UGGT2: variants seen among roughly 807,000 people sequenced by gnomAD.
UGGT2 encodes UDP-glucose:glycoprotein glucosyltransferase 2.
Under a neutral mutation model 192.1 loss-of-function variants are expected in UGGT2, and 180 were observed. That is an observed-to-expected ratio of 0.94 (90% CI 0.83 to 1.06). UGGT2 has a LOEUF of 1.06. Among genes scored for constraint, UGGT2 ranks in the 50% least tolerant of loss-of-function variants. The probability of loss-of-function intolerance (pLI) is 0.00; values close to 1 mark genes in which losing one functional copy is unlikely to be tolerated. For synonymous variants in UGGT2, 580 were observed against 591.0 expected (o/e 0.98, Z 0.27); for missense variants, 1,849 against 1,795.7 (o/e 1.03, Z -0.54).
At chr13:95,902,082 T>C (rs966374108) in intron 21 of UGGT2, among the ~76,000 whole-genome samples, 4 of 152,158 alleles carry the variant, frequency 2.6e-5, no homozygotes, top group African/African-American at 4.8e-5. Flanking sequence ...CTGCTGAGTC[T>C]GCAACTGGAT....
At chr13:95,907,851 T>A (rs1314774061) in intron 20 of UGGT2, among the ~76,000 whole-genome samples, 1 of 152,202 alleles carries the variant, frequency 6.6e-6, no homozygotes, top group Non-Finnish European at 1.5e-5. Flanking sequence ...CTCCAAAGGA[T>A]CGCAGCTCCT....
At chr13:95,942,224 GTGT>G (rs1566734828) in intron 15 of UGGT2, among the ~76,000 whole-genome samples, 8,800 of 82,652 alleles carry the variant, frequency 0.11, 350 homozygotes, top group Middle Eastern at 0.17. Context: ...GGGTGAGGGT[GTGT>G]GTGTGTGTGT....
chr13:96,029,888 T>C (rs755817004), intron 2 of UGGT2, among the ~76,000 whole-genome samples: 4 of 152,210 alleles, frequency 2.6e-5, no homozygotes, highest in Non-Finnish European at 5.9e-5. Context: ...GGGACAGATA[T>C]ATTGAGGATT....
Position 95,807,716 on chromosome 13 carries a change from C to CTTTTTTTTTTTTT in UGGT2, c.4529-5917_4529-5905dup. On this transcript the variant is annotated intron_variant, in intron 38 of 38. Transcript: ENST00000376747. ...GTATCTTGAAACCCTCAGCCCTCAC[C>CTTTTTTTTTTTTT]TTTTTTTTTTTTTTTTTTTGCCGTA... Among the ~76,000 whole-genome samples the CTTTTTTTTTTTTT allele has an allele frequency of 2.5e-3, 195 of 78,688 alleles. 18 individuals are homozygous for CTTTTTTTTTTTTT. Among genetic ancestry groups the CTTTTTTTTTTTTT allele is most frequent in the African/African-American group, 7.1e-3 (137 of 19,362 alleles). The allele number at this position is 78,688 out of a possible 152,430, so 51.6% of individuals were successfully genotyped here. A position where few individuals can be genotyped will look rare whatever the true frequency, so the allele number is the denominator to read the frequency against.
chr13:95,957,382 G>A (rs1211315402), intron 12 of UGGT2, among the ~76,000 whole-genome samples: 3 of 152,186 alleles, frequency 2.0e-5, no homozygotes, highest in Non-Finnish European at 2.9e-5. Context: ...TTTATGGAGG[G>A]TGGGTTCCAA....
At position 95,884,579 on chromosome 13, in the gene UGGT2, A is replaced by C. The variant is rs2047590965; in HGVS notation, c.3140T>G (p.Leu1047Arg). ...TGGAGTAATCATGTTGAGGATTAGG[A>C]GGGGTGATTCAGGAATATCCAAAAA... ...AKFLDIPESP[L>R]LILNMITPEG... is the part of the protein sequence containing the mutation. Residue 1047 changes from leucine (L) to arginine (R), a missense_variant, in exon 27 of 39, where the codon CTC (leucine) becomes CGC (arginine). Physicochemically the swap from Leu to Arg is moderately radical, Grantham distance 102. Transcript: ENST00000376747. 6.2e-7 allele frequency: 1 copy of C among 1,614,034 alleles called. No homozygotes were observed. Among genetic ancestry groups the C allele is most frequent in the African/African-American group, 1.3e-5 (1 of 75,044 alleles).
intron 11 of UGGT2, among the ~76,000 whole-genome samples, chr13:95,972,136 AT>A (rs10568232): frequency 0.26 from 37,455 of 141,586 alleles, 4,906 homozygotes; most frequent in Non-Finnish European, 0.35. Flanking sequence ...ATTTTGAAGA[AT>A]TTTTTTTTTT....
At chr13:95,970,748 G>C (rs1241606532) in intron 11 of UGGT2, among the ~76,000 whole-genome samples, 1 of 152,052 alleles carries the variant, frequency 6.6e-6, no homozygotes. Context: ...AAACATAATA[G>C]AAAGTATTAC....
intron 38 of UGGT2, 124 bp from the exon 39 acceptor site, chr13:95,801,936 C>T (rs1217124048): frequency 9.7e-7 from 1 of 1,035,092 alleles, no homozygotes; most frequent in Non-Finnish European, 1.4e-6. Flanking sequence ...TAGTTCAGTA[C>T]CTATATGCTT....
intron 38 of UGGT2, among the ~76,000 whole-genome samples, chr13:95,814,249 G>T (rs943430000): frequency 3.9e-4 from 60 of 152,342 alleles, no homozygotes; most frequent in African/African-American, 1.3e-3. Flanking sequence ...CCTTCAGTGT[G>T]GAAAAGCTGT....
chr13:96,017,372 T>A (rs2052371871), intron 4 of UGGT2, among the ~76,000 whole-genome samples: 1 of 152,206 alleles, frequency 6.6e-6, no homozygotes, highest in African/African-American at 2.4e-5. Flanking sequence ...ACTCTCTTGC[T>A]CATGCTCTCA....
intron 29 of UGGT2, among the ~76,000 whole-genome samples, chr13:95,871,318 CAG>C (rs982148511): frequency 1.3e-5 from 2 of 152,060 alleles, no homozygotes; most frequent in African/African-American, 4.8e-5. Context: ...GATTGCCCCT[CAG>C]AGAGATAAAG....
chr13:95,965,821 T>C (rs1357701324), intron 12 of UGGT2, among the ~76,000 whole-genome samples: 1 of 152,008 alleles, frequency 6.6e-6, no homozygotes, highest in Non-Finnish European at 1.5e-5. Context: ...ATTAGATAAA[T>C]GTAAATAAAA....
intron 36 of UGGT2, among the ~76,000 whole-genome samples, chr13:95,846,800 G>A (rs969743919): frequency 2.0e-5 from 3 of 152,248 alleles, no homozygotes; most frequent in South Asian, 4.1e-4. Context: ...TGTCTTTTAA[G>A]TAATTTGGCC....
At chr13:95,937,478 A>G (rs542556052) in intron 16 of UGGT2, among the ~76,000 whole-genome samples, 1 of 152,200 alleles carries the variant, frequency 6.6e-6, no homozygotes, top group Non-Finnish European at 1.5e-5. Flanking sequence ...CATTAACTTA[A>G]TAAACATCCA....
At chr13:95,887,219 G>A (rs892216095) in intron 26 of UGGT2, 1 of 482,118 alleles carries the variant, frequency 2.1e-6, no homozygotes, top group Non-Finnish European at 4.2e-6. Flanking sequence ...AAATAATACA[G>A]AGATGAGCAC....
At chr13:95,995,288 A>AT (rs1193856416) in intron 7 of UGGT2, 1 of 152,140 alleles carries the variant, frequency 6.6e-6, no homozygotes, top group Non-Finnish European at 1.5e-5. Flanking sequence ...CCTTGCAATA[A>AT]TAGACTGCCA....
At chr13:95,951,062 A>G (rs182786053) in intron 12 of UGGT2, among the ~76,000 whole-genome samples, 3 of 152,326 alleles carry the variant, frequency 2.0e-5, no homozygotes, top group East Asian at 1.9e-4. Flanking sequence ...TTTATTGTGG[A>G]CTGAACTAAG....
rs748724250 is a variant in UGGT2 at position 96,053,323 on chromosome 13, G to A, written c.-11C>T. On this transcript the variant is annotated 5_prime_UTR_variant, in exon 1 of 39. Transcript: ENST00000376747. ...TTTCGCTGGCGCCATGGCACGGAGA[G>A]AAAAGCGCGAGTCCCTCGGACCCGG... is the stretch of plus-strand genomic sequence containing the variant. 1.3e-6 allele frequency: 2 copies of A among 1,581,110 alleles called. No homozygotes were observed. Among genetic ancestry groups the A allele is most frequent in the East Asian group, 2.3e-5 (1 of 43,022 alleles).
Sources: allele counts gnomAD v4.1 joint callset (sites outside exome capture counted in the v4.1 genomes callset), GRCh38; gene constraint gnomAD v4.1.1; transcripts MANE v1.5; gene names NCBI Gene and HGNC (gene_info 2026-07-23, HGNC 2026-07-21).